RAI1: variants seen among roughly 807,000 people sequenced by gnomAD.
RAI1 encodes retinoic acid induced 1.
In RAI1, 9 loss-of-function variants were observed where a neutral mutation model predicts 123.8. The ratio of observed to expected loss-of-function variants is 0.07; its 90% CI spans 0.04 to 0.13. The LOEUF is 0.13. Among genes scored for constraint, RAI1 ranks in the 10% least tolerant of loss-of-function variants. The pLI is 1.00. For synonymous variants in RAI1, 1,231 were observed against 1,127.3 expected (o/e 1.09, Z -1.84); for missense variants, 2,256 against 2,545.8 (o/e 0.89, Z 2.45).
intron 1 of RAI1, among the ~76,000 whole-genome samples, chr17:17,702,428 A>G (rs756215532): frequency 6.6e-6 from 1 of 152,214 alleles, no homozygotes; most frequent in African/African-American, 2.4e-5. Flanking sequence ...AGCCTACTGT[A>G]TATGGGAAGG....
chr17:17,706,370 C>T (rs779915671), intron 1 of RAI1, among the ~76,000 whole-genome samples: 1 of 152,172 alleles, frequency 6.6e-6, no homozygotes, highest in African/African-American at 2.4e-5. Flanking sequence ...GTGTGCAGTG[C>T]TCTGCACTGA....
In RAI1 at chr17:17,799,764, G is replaced by A. The variant is rs188107452; in HGVS notation, c.5565+1251G>A. Among the ~76,000 whole-genome samples the A allele has an allele frequency of 3.9e-5, 6 of 152,174 alleles. No individual in the cohort carries two copies. Among genetic ancestry groups the A allele is most frequent in the African/African-American group, 9.6e-5 (4 of 41,520 alleles). On this transcript the variant is annotated intron_variant, in intron 3 of 5. Transcript: ENST00000353383. The surrounding 1 kb of genome is among the most constrained non-coding windows in gnomAD (Gnocchi z 4.5). ...CACAGTGGCCCCAGCCGGTGGCTTC[G>A]CCCCTCCCCCTGCCCAGCCTCCTCC... is the stretch of plus-strand genomic sequence containing the variant.
intron 1 of RAI1, among the ~76,000 whole-genome samples, chr17:17,708,207 C>T (rs1915449640): frequency 6.6e-6 from 1 of 152,182 alleles, no homozygotes. Context: ...TCTGGGTCCT[C>T]TCCAAGTGTA....
intron 2 of RAI1, among the ~76,000 whole-genome samples, chr17:17,761,509 G>A (rs1266037609): frequency 3.9e-5 from 6 of 152,326 alleles, no homozygotes; most frequent in Middle Eastern, 3.4e-3. Flanking sequence ...CCAGTGCCCC[G>A]GGGGATGGTG....
In RAI1 at chr17:17,746,005, G is replaced by C. The variant is rs536131547; in HGVS notation, c.-17+21846G>C. On this transcript the variant is annotated intron_variant, in intron 2 of 5. Coordinates refer to ENST00000353383, the MANE Select transcript of RAI1 (RefSeq NM_030665.4). ...GTTGTTCCCACATGAGCGTTGTGGA[G>C]TTGGCATGCATTGGGAGGCATCCCT... 5.2e-5 allele frequency among the ~76,000 whole-genome samples: 8 copies of C among 152,382 alleles called. No homozygotes were observed. The South Asian group carries it at 6.2e-4, about 12-fold the overall frequency.
chr17:17,735,664 G>A (rs1916411090), intron 2 of RAI1, among the ~76,000 whole-genome samples: 1 of 152,156 alleles, frequency 6.6e-6, no homozygotes, highest in Non-Finnish European at 1.5e-5. Flanking sequence ...GCCCAAAGAT[G>A]CACTTCCTCT....
At chr17:17,693,588 A>G (rs1286692205) in intron 1 of RAI1, among the ~76,000 whole-genome samples, 2 of 152,246 alleles carry the variant, frequency 1.3e-5, no homozygotes, top group Non-Finnish European at 2.9e-5. Flanking sequence ...TGGGGTTGCC[A>G]TGAGGCGGCG....
At position 17,772,553 on chromosome 17, in the gene RAI1, C is replaced by G. The variant is rs542147779; in HGVS notation, c.-16-20380C>G. On this transcript the variant is annotated intron_variant, in intron 2 of 5. Coordinates refer to ENST00000353383, the MANE Select transcript of RAI1 (RefSeq NM_030665.4). ...AGGGCCACACACCACGTGGACCCTG[C>G]CCATCTCTCATTTCTTGCCTCTCAC... Among the ~76,000 whole-genome samples the G allele has an allele frequency of 1.3e-4, 20 of 152,362 alleles. No homozygotes were observed. The East Asian group carries it at 3.9e-3, about 29-fold the overall frequency.
intron 1 of RAI1, among the ~76,000 whole-genome samples, chr17:17,688,344 C>T (rs980435544): frequency 2.7e-4 from 41 of 151,410 alleles, no homozygotes; most frequent in Admixed American, 2.1e-3. Context: ...ATTAGTCAGG[C>T]GTAGTGTCAC....
chr17:17,689,019 G>A (rs1035942746), intron 1 of RAI1, among the ~76,000 whole-genome samples: 24 of 149,636 alleles, frequency 1.6e-4, no homozygotes, highest in African/African-American at 5.4e-4. Flanking sequence ...GCAGTGGCTC[G>A]ACCTCGGCTC....
rs773397926 is a variant in RAI1, at chr17:17,794,242, C to T, written c.1294C>T (p.Leu432=). Residue 432 remains leucine (L), a synonymous_variant, in exon 3 of 6, where the codon CTG becomes TTG. Transcript: ENST00000353383. The stretch of plus-strand genomic sequence containing the variant: ...TGAGAACCTGCTGTCGGATCTCAGC[C>T]TGCAGAGCCTCACGGCGCTGACCTC... ...LPENLLSDLS[L]QSLTALTSQV... 5.0e-6 allele frequency: 8 copies of T among 1,613,278 alleles called. No individual in the cohort carries two copies. The highest frequency in any genetic ancestry group is 6.8e-6 in the Non-Finnish European group (8 of 1,180,056).
chr17:17,747,926 A>G (rs972371608), intron 2 of RAI1, among the ~76,000 whole-genome samples: 6 of 152,196 alleles, frequency 3.9e-5, no homozygotes, highest in African/African-American at 1.4e-4. Flanking sequence ...TTAGCTGAGC[A>G]TGGTGGAGTG....
chr17:17,703,033 G>GT (rs2142890944), intron 1 of RAI1, among the ~76,000 whole-genome samples: 1 of 152,364 alleles, frequency 6.6e-6, no homozygotes, highest in South Asian at 2.1e-4. Flanking sequence ...TTTACGTGTA[G>GT]TAAGTGCTCA....
chr17:17,774,971 A>G (rs1258775185), intron 2 of RAI1, among the ~76,000 whole-genome samples: 1 of 152,126 alleles, frequency 6.6e-6, no homozygotes, highest in Non-Finnish European at 1.5e-5. Context: ...CCTACCAATC[A>G]GGCCTTCAGG....
At chr17:17,770,386 C>T (rs749782434) in intron 2 of RAI1, among the ~76,000 whole-genome samples, 6 of 152,138 alleles carry the variant, frequency 3.9e-5, no homozygotes, top group Admixed American at 6.5e-5. Context: ...TGCAGGGAGA[C>T]GGCTCAGCCT....
chr17:17,798,502 G>T lies in RAI1; in HGVS notation c.5554G>T (p.Ala1852Ser). 12 of 1,601,174 alleles carry T rather than the reference G, an allele frequency of 7.5e-6. No homozygotes were observed. The highest frequency in any genetic ancestry group is 9.3e-6 in the Non-Finnish European group (11 of 1,179,872). ...TGGGCTGCAGGAGGCCATGAAGGTGGCCGTGGACATGGTAAGAGGCCAGCC... is the reference window on the plus strand; with the variant it reads ...TGGGCTGCAGGAGGCCATGAAGGTGTCCGTGGACATGGTAAGAGGCCAGCC... ...LFGLQEAMKVAVDMMCSSCQE... is the reference protein window; with the variant it reads ...LFGLQEAMKVSVDMMCSSCQE... Residue 1852 changes from alanine (A) to serine (S), a missense_variant, in exon 3 of 6, where the codon GCC becomes TCC. This residue lies in a region of RAI1 where 243 missense variants were observed against 316.6 expected (regional missense o/e 0.77). Transcript: ENST00000353383.
chr17:17,698,611 A>G (rs578087030), intron 1 of RAI1, among the ~76,000 whole-genome samples: 3 of 152,308 alleles, frequency 2.0e-5, no homozygotes, highest in African/African-American at 7.2e-5. Flanking sequence ...GGGTCAGGAC[A>G]GGAAGGGGAG....
chr17:17,747,397 T>A (rs2029967222), intron 2 of RAI1, among the ~76,000 whole-genome samples: 2 of 152,100 alleles, frequency 1.3e-5, no homozygotes, highest in African/African-American at 4.8e-5. Flanking sequence ...GGTGGGCCAG[T>A]CCCTGTTGCT....
intron 2 of RAI1, among the ~76,000 whole-genome samples, chr17:17,724,938 G>A (rs1374434654): frequency 6.6e-6 from 1 of 152,142 alleles, no homozygotes. Context: ...CCTGCCCTGC[G>A]CCCCAGTCTC....
Sources: allele counts gnomAD v4.1 joint callset (sites outside exome capture counted in the v4.1 genomes callset), GRCh38; gene constraint gnomAD v4.1.1; regional missense constraint gnomAD v4.1.1; non-coding constraint Gnocchi (gnomAD v3.1); transcripts MANE v1.5; gene names NCBI Gene and HGNC (gene_info 2026-07-23, HGNC 2026-07-21).